Variants in RPH3AL observed in about 807,000 individuals in gnomAD.
The protein encoded by RPH3AL is rabphilin 3A like (without C2 domains).
In RPH3AL, 38 loss-of-function variants were observed where a neutral mutation model predicts 43.1. That is an observed-to-expected ratio of 0.88 (90% CI 0.68 to 1.15). The LOEUF (loss-of-function observed/expected upper bound fraction) is 1.15, where lower values mean the gene tolerates loss of function less well. Among genes scored for constraint, RPH3AL ranks in the 50% most tolerant of loss-of-function variants. RPH3AL has a pLI of 0.00. For missense variants in RPH3AL, 462 were observed against 423.2 expected (o/e 1.09, Z -0.81); for synonymous variants, 189 against 176.3 (o/e 1.07, Z -0.57).
At chr17:269,727 T>G (rs2042417087) in intron 6 of RPH3AL, among the ~76,000 whole-genome samples, 1 of 152,244 alleles carries the variant, frequency 6.6e-6, no homozygotes, top group Non-Finnish European at 1.5e-5. Context: ...ACATCTGCTA[T>G]GAACGATGGG....
At chr17:347,552 C>T (rs2045262541) in intron 1 of RPH3AL, among the ~76,000 whole-genome samples, 1 of 151,926 alleles carries the variant, frequency 6.6e-6, no homozygotes, top group Non-Finnish European at 1.5e-5. Flanking sequence ...CAACCACACT[C>T]CAGCCTGGGT....
rs200838972 is a variant in RPH3AL, at chr17:247,158, G to C, written c.566C>G (p.Pro189Arg). The stretch of plus-strand genomic sequence containing the variant: ...GATGCGGCTGGTCTCAGAGCTTCTG[G>C]GCTCTCGCTCTGCCGGTTCCGTGGG... ...PLPTEPAERE[P>R]RSSETSRIYT... The change falls in exon 7 of 10, where the codon CCC (proline) becomes CGC (arginine). Residue 189 changes from proline (P) to arginine (R), a missense_variant. Transcript: ENST00000331302. 4 of 1,609,514 alleles carry C rather than the reference G, an allele frequency of 2.5e-6. No individual in the cohort carries two copies. Among genetic ancestry groups the C allele is most frequent in the Non-Finnish European group, 3.4e-6 (4 of 1,178,190 alleles).
chr17:311,135 A>C (rs1054686459), intron 5 of RPH3AL, among the ~76,000 whole-genome samples: 2 of 152,040 alleles, frequency 1.3e-5, no homozygotes, highest in Admixed American at 6.6e-5. Flanking sequence ...ACCCTCTTAC[A>C]AGTCCCCTAC....
At chr17:286,182 TCA>T (rs1472816281) in intron 5 of RPH3AL, among the ~76,000 whole-genome samples, 1 of 152,148 alleles carries the variant, frequency 6.6e-6, no homozygotes, top group African/African-American at 2.4e-5. Context: ...TGTCCTCTAC[TCA>T]CAGACCACGA....
intron 5 of RPH3AL, among the ~76,000 whole-genome samples, chr17:317,936 C>A (rs2044341056): frequency 6.7e-6 from 1 of 150,046 alleles, no homozygotes; most frequent in Admixed American, 6.7e-5. Context: ...CCATCCTCCA[C>A]CCTCCACCCT....
At chr17:278,156 G>A (rs1469543644) in intron 6 of RPH3AL, among the ~76,000 whole-genome samples, 2 of 152,070 alleles carry the variant, frequency 1.3e-5, no homozygotes, top group African/African-American at 4.8e-5. Flanking sequence ...TTGAATCATG[G>A]GGGCGGTTCC....
intron 5 of RPH3AL, among the ~76,000 whole-genome samples, chr17:302,647 G>A (rs558864707): frequency 3.3e-5 from 5 of 152,154 alleles, no homozygotes; most frequent in South Asian, 2.1e-4. Flanking sequence ...CGGCCCTCCC[G>A]GCTGCCACCC....
At chr17:214,349 G>A (rs1411100203) in intron 9 of RPH3AL, among the ~76,000 whole-genome samples, 3 of 152,202 alleles carry the variant, frequency 2.0e-5, no homozygotes, top group Non-Finnish European at 2.9e-5. Context: ...ATGTGACACT[G>A]GATTTTGTCT....
intron 8 of RPH3AL, among the ~76,000 whole-genome samples, chr17:217,434 C>CATT (rs2040836672): frequency 6.2e-5 from 1 of 16,114 alleles, no homozygotes. Context: ...TCTTCTGTGC[C>CATT]AAAATTGGCC....
intron 6 of RPH3AL, among the ~76,000 whole-genome samples, chr17:259,797 C>G (rs782529605): frequency 6.6e-6 from 1 of 152,258 alleles, no homozygotes; most frequent in African/African-American, 2.4e-5. Context: ...GTTTGCATTA[C>G]GGTTTCAGCT....
intron 9 of RPH3AL, 38 bp from the exon 10 acceptor site, chr17:213,961 C>T (rs776698856): frequency 1.1e-4 from 160 of 1,500,450 alleles, no homozygotes; most frequent in Admixed American, 1.2e-4. Flanking sequence ...TGGTGAGCAG[C>T]GGTGGAGTCC....
intron 5 of RPH3AL, among the ~76,000 whole-genome samples, chr17:293,283 C>T (rs555099211): frequency 3.9e-5 from 6 of 152,318 alleles, no homozygotes; most frequent in Admixed American, 1.3e-4. Context: ...CACTGCGTCC[C>T]GAGTGGAGAG....
In RPH3AL at chr17:274,633, C is replaced by T. The variant is rs773709134; in HGVS notation, c.438+7135G>A. Among the ~76,000 whole-genome samples the T allele has an allele frequency of 3.3e-5, 5 of 152,180 alleles. No homozygotes were observed. The highest frequency in any genetic ancestry group is 1.9e-4 in the East Asian group (1 of 5,194). ...GGTCCCTCGTCCTCCCTGGTTCCGA[C>T]GGGCCAGGTCGCAGGAGAGTCAAAG... On this transcript the variant is annotated intron_variant, in intron 6 of 9. Transcript: ENST00000331302. The surrounding 1 kb of genome is among the most constrained non-coding windows in gnomAD (Gnocchi z 4.7).
In RPH3AL at chr17:321,424, G is replaced by A; in HGVS notation, c.78-9C>T. The A allele has an allele frequency of 6.3e-7, 1 of 1,597,206 alleles. No individual in the cohort carries two copies. Among genetic ancestry groups the A allele is most frequent in the Non-Finnish European group, 8.5e-7 (1 of 1,173,016 alleles). ...ACCAGCCCGTCTGCAGCCTCGAGAG[G>A]GAACAGCACAGACGGCGTGGAGGCC... On this transcript the variant is annotated splice_polypyrimidine_tract_variant and intron_variant, in intron 3 of 9. Coordinates refer to ENST00000331302, the MANE Select transcript of RPH3AL (RefSeq NM_006987.4).
At position 327,564 on chromosome 17, in the gene RPH3AL, G is replaced by T. The variant is rs113478803; in HGVS notation, c.-21C>A. The T allele has an allele frequency of 6.2e-7, 1 of 1,612,108 alleles. No homozygotes were observed. The highest frequency in any genetic ancestry group is 8.5e-7 in the Non-Finnish European group (1 of 1,178,932). On this transcript the variant is annotated 5_prime_UTR_variant, in exon 3 of 10. Coordinates refer to ENST00000331302, the MANE Select transcript of RPH3AL (RefSeq NM_006987.4). ...GCCATGGCTCGGAGCACCCGGCTGG[G>T]GGTGGGGAGTCACATCTGAGATGAA...
intron 6 of RPH3AL, chr17:261,768 G>A (rs1450285802): frequency 1.3e-5 from 2 of 152,058 alleles, no homozygotes; most frequent in African/African-American, 2.4e-5. Context: ...AACTTAGGAC[G>A]GGTTCCAGAA....
In RPH3AL at chr17:243,111, T is replaced by C. The variant is rs1406969432; in HGVS notation, c.613+4000A>G. Among the ~76,000 whole-genome samples, 13 of 138,462 alleles carry C rather than the reference T, an allele frequency of 9.4e-5. 2 individuals are homozygous for C. The highest frequency in any genetic ancestry group is 2.1e-4 in the Admixed American group (3 of 14,118). The allele number at this position is 138,462 out of a possible 152,430, so 90.8% of individuals were successfully genotyped here. On this transcript the variant is annotated intron_variant, in intron 7 of 9. Transcript: ENST00000331302. The stretch of plus-strand genomic sequence containing the variant: ...GATTACCTTTCCTCTACTGATTACC[T>C]TCCTCTACTGATTGCCCCTCCTCTA...
rs371798824 is a variant in RPH3AL at position 325,625 on chromosome 17, G to A, written c.77+1842C>T. Among the ~76,000 whole-genome samples the A allele has an allele frequency of 2.2e-4, 34 of 152,184 alleles. 2 individuals are homozygous for A. The highest frequency in any genetic ancestry group is 5.8e-4 in the African/African-American group (24 of 41,512). On this transcript the variant is annotated intron_variant, in intron 3 of 9. Transcript: ENST00000331302. ...CAGAGTAAGTCACACCTTCACCCAC[G>A]TCCCCACCGCCTGTTATCACCGTCA...
intron 1 of RPH3AL, chr17:349,388 G>A (rs998861654): frequency 2.6e-5 from 4 of 152,030 alleles, no homozygotes; most frequent in African/African-American, 9.7e-5. Flanking sequence ...GAGAAGAGAG[G>A]AAAGTGAACA....
Sources: gnomAD v4.1 joint callset for allele counts (sites outside exome capture counted in the v4.1 genomes callset) on GRCh38, gnomAD v4.1.1 for gene constraint, Gnocchi (gnomAD v3.1) non-coding constraint, MANE v1.5 for transcripts, NCBI Gene and HGNC (gene_info 2026-07-23, HGNC 2026-07-21) for gene names.